Variants in LDLRAD4 observed in about 807,000 individuals in gnomAD.
LDLRAD4 encodes low-density lipoprotein receptor class A domain-containing protein 4.
In LDLRAD4, 5 loss-of-function variants were observed where a neutral mutation model predicts 17.0. The ratio of observed to expected loss-of-function variants is 0.29; its 90% CI spans 0.15 to 0.62. The LOEUF is 0.62. Among genes scored for constraint, LDLRAD4 ranks in the 20% least tolerant of loss-of-function variants. The pLI, the probability that LDLRAD4 is intolerant of heterozygous loss-of-function variation, is 0.84. For missense variants in LDLRAD4, 340 were observed against 424.7 expected (o/e 0.80, Z 1.75); for synonymous variants, 168 against 171.8 (o/e 0.98, Z 0.17).
At chr18:13,313,572 C>G (rs2080767981) in intron 1 of LDLRAD4, among the ~76,000 whole-genome samples, 1 of 152,248 alleles carries the variant, frequency 6.6e-6, no homozygotes, top group African/African-American at 2.4e-5. Context: ...TCAGAACTGC[C>G]TTCCCCCGCC....
intron 3 of LDLRAD4, among the ~76,000 whole-genome samples, chr18:13,525,489 A>G (rs543885197): frequency 8.5e-5 from 13 of 152,380 alleles, no homozygotes; most frequent in Admixed American, 4.6e-4. Flanking sequence ...AAACGTGGGC[A>G]TTCCCATAAA....
At chr18:13,306,563 T>C (rs889344468) in intron 1 of LDLRAD4, among the ~76,000 whole-genome samples, 2 of 152,170 alleles carry the variant, frequency 1.3e-5, no homozygotes, top group African/African-American at 2.4e-5. Flanking sequence ...TAAGGCTCAT[T>C]ACACACGGCG....
intron 2 of LDLRAD4, among the ~76,000 whole-genome samples, chr18:13,425,373 C>T (rs1452328198): frequency 6.6e-6 from 1 of 152,190 alleles, no homozygotes; most frequent in Non-Finnish European, 1.5e-5. Context: ...CATTTTGGGA[C>T]TAAGCTTCTG....
intron 1 of LDLRAD4, among the ~76,000 whole-genome samples, chr18:13,253,572 G>A (rs180688606): frequency 6.6e-6 from 1 of 152,150 alleles, no homozygotes; most frequent in African/African-American, 2.4e-5. Flanking sequence ...TGCTAATGGG[G>A]TTGATTTCTA....
At chr18:13,536,628 T>C (rs961033697) in intron 3 of LDLRAD4, among the ~76,000 whole-genome samples, 32 of 152,050 alleles carry the variant, frequency 2.1e-4, no homozygotes, top group Non-Finnish European at 3.4e-4. Context: ...TTTACTTTAC[T>C]GCACTGTTCA....
chr18:13,226,200 T>TTTTTTTTTTTTTTTG lies in LDLRAD4; in HGVS notation c.-467+7213_-467+7214insTTTTTTTTTTTTTGT, dbSNP rs1399999238. Among the ~76,000 whole-genome samples the TTTTTTTTTTTTTTTG allele has an allele frequency of 4.6e-4, 66 of 143,274 alleles. 1 individual carries two copies. Among genetic ancestry groups the TTTTTTTTTTTTTTTG allele is most frequent in the Non-Finnish European group, 8.0e-4 (53 of 65,886 alleles). The allele number at this position is 143,274 out of a possible 152,430, so 94.0% of individuals were successfully genotyped here. On this transcript the variant is annotated intron_variant, in intron 1 of 5. Coordinates refer to the LDLRAD4 transcript ENST00000399848. ...CCTTGCTTTTTTTTTTTTTTTTTTTTTGTAGAGACCGGGTTTCGCCATGTT... is the reference window on the plus strand; with the variant it reads ...CCTTGCTTTTTTTTTTTTTTTTTTTTTTTTTTTTTTTTTTGTGTAGAGACCGGGTTTCGCCATGTT...
intron 3 of LDLRAD4, among the ~76,000 whole-genome samples, chr18:13,458,972 G>A (rs2092288550): frequency 6.6e-6 from 1 of 152,168 alleles, no homozygotes; most frequent in Non-Finnish European, 1.5e-5. Context: ...TTTTCACCCA[G>A]TGAAATTAGT....
intron 2 of LDLRAD4, among the ~76,000 whole-genome samples, chr18:13,389,892 A>G (rs2145273249): frequency 6.6e-6 from 1 of 152,222 alleles, no homozygotes; most frequent in African/African-American, 2.4e-5. Flanking sequence ...AAGCCAAGGT[A>G]TATGTCAGCT....
intron 1 of LDLRAD4, among the ~76,000 whole-genome samples, chr18:13,369,397 CCTGTTGGCCTCAGTGGG>C (rs1286287205): frequency 1.3e-5 from 2 of 152,038 alleles, no homozygotes; most frequent in Admixed American, 6.5e-5. Context: ...AGCCTGGGGG[CCTGTTGGCCTCAGTGGG>C]CTGTTGGGTG....
chr18:13,592,395 T>C (rs1332199101), intron 3 of LDLRAD4, among the ~76,000 whole-genome samples: 1 of 152,238 alleles, frequency 6.6e-6, no homozygotes, highest in African/African-American at 2.4e-5. Context: ...CTAAGTCGAC[T>C]GTCCTAATAG....
chr18:13,468,166 T>G (rs2092676695), intron 3 of LDLRAD4, among the ~76,000 whole-genome samples: 1 of 152,164 alleles, frequency 6.6e-6, no homozygotes. Flanking sequence ...GAAAGACTTG[T>G]GTGCATCCAA....
intron 1 of LDLRAD4, among the ~76,000 whole-genome samples, chr18:13,306,198 T>C (rs1350872871): frequency 6.6e-6 from 1 of 152,224 alleles, no homozygotes; most frequent in Non-Finnish European, 1.5e-5. Context: ...GCAGCATGGA[T>C]AGGCTAACTC....
intron 1 of LDLRAD4, among the ~76,000 whole-genome samples, chr18:13,319,745 A>G (rs758396534): frequency 2.6e-5 from 4 of 152,210 alleles, no homozygotes; most frequent in Non-Finnish European, 5.9e-5. Flanking sequence ...CAGATCGTCT[A>G]TATTTATGGC....
At chr18:13,500,768 T>C (rs2093601306) in intron 3 of LDLRAD4, 1 of 152,230 alleles carries the variant, frequency 6.6e-6, no homozygotes, top group African/African-American at 2.4e-5. Flanking sequence ...GAATGTGGAT[T>C]GTTGACAGTA....
At position 13,443,614 on chromosome 18, in the gene LDLRAD4, G is replaced by A. The variant is rs141423684; in HGVS notation, c.181+5230G>A. Among the ~76,000 whole-genome samples, 24 of 152,274 alleles carry A rather than the reference G, an allele frequency of 1.6e-4. No individual in the cohort carries two copies. In the East Asian group the frequency reaches 4.1e-3, roughly 26 times the overall value. ...AGGATCCAAAGAAGCCCCAGGCATC[G>A]TAGATCGCTTTGCTCTTGAAGGATC... On this transcript the variant is annotated intron_variant, in intron 3 of 5. Coordinates refer to ENST00000359446, the Ensembl canonical transcript of LDLRAD4.
chr18:13,402,606 A>G (rs1284897649), intron 2 of LDLRAD4, among the ~76,000 whole-genome samples: 2 of 152,202 alleles, frequency 1.3e-5, no homozygotes, highest in Non-Finnish European at 2.9e-5. Context: ...TCTCATTTCT[A>G]AAGTCTTTCT....
intron 3 of LDLRAD4, among the ~76,000 whole-genome samples, chr18:13,478,473 C>CT (rs1330317440): frequency 6.6e-6 from 1 of 152,168 alleles, no homozygotes; most frequent in Non-Finnish European, 1.5e-5. Flanking sequence ...CTTCACATTG[C>CT]TTTTTTCCTA....
chr18:13,298,601 T>TTGGGCATGGTGATGGAGCTGCTC (rs1332100598), intron 1 of LDLRAD4, among the ~76,000 whole-genome samples: 1 of 119,040 alleles, frequency 8.4e-6, no homozygotes, highest in African/African-American at 3.2e-5. Context: ...TGTTGCTGCT[T>TTGGGCATGGTGATGGAGCTGCTC]TGGGCATGGT....
chr18:13,405,520 T>G (rs2087649284), intron 2 of LDLRAD4, among the ~76,000 whole-genome samples: 1 of 152,058 alleles, frequency 6.6e-6, no homozygotes, highest in African/African-American at 2.4e-5. Context: ...CCTTCTGAGC[T>G]CAGGCCATCC....
Sources: allele counts gnomAD v4.1 joint callset (sites outside exome capture counted in the v4.1 genomes callset), GRCh38; gene constraint gnomAD v4.1.1; transcripts MANE v1.5; gene names NCBI Gene and HGNC (gene_info 2026-07-23, HGNC 2026-07-21).